Variants in MED12L observed in about 807,000 individuals in gnomAD.
MED12L encodes the protein mediator of RNA polymerase II transcription subunit 12-like protein.
A neutral mutation model predicts 281.3 loss-of-function variants in MED12L; 60 were observed. The ratio of observed to expected loss-of-function variants is 0.21; its 90% CI spans 0.17 to 0.26. The LOEUF (loss-of-function observed/expected upper bound fraction) is 0.26. Among genes scored for constraint, MED12L ranks in the 10% least tolerant of loss-of-function variants. The pLI, the probability that MED12L is intolerant of heterozygous loss-of-function variation, is 1.00. For synonymous variants in MED12L, 974 were observed against 987.2 expected (o/e 0.99, Z 0.25); for missense variants, 2,146 against 2,680.9 (o/e 0.80, Z 4.41).
At chr3:151,290,785 A>G (rs771924705) in intron 16 of MED12L, among the ~76,000 whole-genome samples, 7 of 152,232 alleles carry the variant, frequency 4.6e-5, no homozygotes, top group Admixed American at 2.6e-4. Flanking sequence ...AAACTTTAGC[A>G]AAGTGCTAGG....
chr3:151,206,042 G>A (rs1165032097), intron 16 of MED12L, among the ~76,000 whole-genome samples: 1 of 149,238 alleles, frequency 6.7e-6, no homozygotes, highest in African/African-American at 2.5e-5. Flanking sequence ...TAGCCGTTGT[G>A]CTTCAGGGTT....
At chr3:151,254,659 G>A (rs1737488357) in intron 16 of MED12L, among the ~76,000 whole-genome samples, 1 of 152,240 alleles carries the variant, frequency 6.6e-6, no homozygotes, top group Non-Finnish European at 1.5e-5. Flanking sequence ...TGAAGTCCAA[G>A]TGCATGTTTA....
At chr3:151,328,496 G>T in intron 16 of MED12L, 1 of 1,614,020 alleles carries the variant, frequency 6.2e-7, no homozygotes, top group Admixed American at 1.7e-5. Context: ...AGACGATGGT[G>T]TTGCTTCCTT....
intron 2 of MED12L, among the ~76,000 whole-genome samples, chr3:151,087,967 G>T (rs1719503934): frequency 6.6e-6 from 1 of 151,880 alleles, no homozygotes; most frequent in South Asian, 2.1e-4. Flanking sequence ...CTTCTGTTCA[G>T]CTAAACACGA....
intron 16 of MED12L, among the ~76,000 whole-genome samples, chr3:151,293,538 C>G (rs9810067): frequency 0.42 from 62,206 of 147,484 alleles, 13,684 homozygotes; most frequent in Middle Eastern, 0.63. Flanking sequence ...TGAAGGTGGG[C>G]TCTGACCTGG....
In MED12L at chr3:151,394,662, C is replaced by A. The variant is rs752867330; in HGVS notation, c.5615C>A (p.Ser1872Tyr). 16 of 1,614,082 alleles carry A rather than the reference C, an allele frequency of 9.9e-6. No homozygotes were observed. In the Admixed American group the frequency reaches 2.7e-4, roughly 27 times the overall value. ...CTTTTGGTTGCTTTTGTAGGTGGCT[C>A]CAGATTGGACCCTGCAGGCTCCTTT... is the stretch of plus-strand genomic sequence containing the variant. ...LQNQSLTPGG[S>Y]RLDPAGSFVP... Residue 1872 changes from serine to tyrosine, a missense_variant, in exon 39 of 45, where the codon TCC becomes TAC. Around this residue, in one of 9 missense-constraint regions of MED12L, gnomAD observed 496 missense variants for 512.0 expected, o/e 0.97. Coordinates refer to ENST00000687756, the MANE Select transcript of MED12L (RefSeq NM_001393769.1).
intron 16 of MED12L, among the ~76,000 whole-genome samples, chr3:151,339,526 C>G (rs1464143906): frequency 1.3e-5 from 2 of 151,496 alleles, no homozygotes; most frequent in East Asian, 1.9e-4. Context: ...CACGGAGATT[C>G]ATTATTCTGC....
intron 5 of MED12L, among the ~76,000 whole-genome samples, chr3:151,155,959 A>G (rs1719219621): frequency 2.0e-5 from 3 of 152,160 alleles, no homozygotes; most frequent in African/African-American, 7.2e-5. Context: ...AGGGCAGGCC[A>G]CCTCACACTA....
At chr3:151,202,624 C>T (rs920384947) in intron 16 of MED12L, among the ~76,000 whole-genome samples, 3 of 152,116 alleles carry the variant, frequency 2.0e-5, no homozygotes, top group East Asian at 1.9e-4. Flanking sequence ...GAGCTGAGAT[C>T]GCACCACTGC....
intron 16 of MED12L, among the ~76,000 whole-genome samples, chr3:151,257,173 G>A (rs1168521112): frequency 1.3e-5 from 2 of 152,034 alleles, no homozygotes; most frequent in East Asian, 1.9e-4. Context: ...AAGTGACCTC[G>A]CCTGGAAAGC....
In MED12L at chr3:151,357,897, C is replaced by T. The variant is rs77805759; in HGVS notation, c.2825+521C>T. Among the ~76,000 whole-genome samples, 895 of 152,252 alleles carry T rather than the reference C, an allele frequency of 5.9e-3. 14 individuals are homozygous for T. The highest frequency in any genetic ancestry group is 0.02 in the African/African-American group (843 of 41,552). ...GGCTTACTCTACTAATGAAGTTGAG[C>T]TACAGAATTAGCTAATACCACCCCC... On this transcript the variant is annotated intron_variant, in intron 20 of 44. Coordinates refer to ENST00000687756, the MANE Select transcript of MED12L (RefSeq NM_001393769.1).
intron 16 of MED12L, among the ~76,000 whole-genome samples, chr3:151,240,538 A>G (rs1733865915): frequency 6.6e-6 from 1 of 152,234 alleles, no homozygotes; most frequent in Non-Finnish European, 1.5e-5. Flanking sequence ...AGAGGGTCAC[A>G]GAGGTGAAAG....
intron 16 of MED12L, chr3:151,198,305 C>T (rs1724955607): frequency 5.6e-6 from 4 of 708,290 alleles, no homozygotes; most frequent in African/African-American, 3.6e-5. Flanking sequence ...TCCATATTTG[C>T]TAGCTAACTG....
At chr3:151,344,066 C>A (rs573921532) in intron 16 of MED12L, among the ~76,000 whole-genome samples, 3 of 152,038 alleles carry the variant, frequency 2.0e-5, no homozygotes, top group Non-Finnish European at 1.5e-5. Flanking sequence ...CCAAAAGTAA[C>A]GAGTCTTGGG....
At chr3:151,142,702 G>A (rs1028147998) in intron 5 of MED12L, among the ~76,000 whole-genome samples, 4 of 152,144 alleles carry the variant, frequency 2.6e-5, no homozygotes, top group African/African-American at 9.7e-5. Flanking sequence ...TGTGCATACA[G>A]TGGCCTTGTT....
At chr3:151,331,973 G>A (rs759304177) in intron 16 of MED12L, among the ~76,000 whole-genome samples, 2 of 152,196 alleles carry the variant, frequency 1.3e-5, no homozygotes, top group Non-Finnish European at 2.9e-5. Flanking sequence ...TAGATAGGGT[G>A]ACAGTGGAAT....
At chr3:151,337,854 T>C in intron 16 of MED12L, 1 of 1,614,148 alleles carries the variant, frequency 6.2e-7, no homozygotes, top group East Asian at 2.2e-5. Context: ...ACCACCATCC[T>C]GTTCTTTTTT....
intron 11 of MED12L, among the ~76,000 whole-genome samples, chr3:151,174,933 G>A (rs1023602037): frequency 2.6e-5 from 4 of 152,140 alleles, no homozygotes; most frequent in African/African-American, 9.7e-5. Context: ...GGGCTCAAGT[G>A]ATCCTCCTGA....
chr3:151,290,398 C>T (rs543414345), intron 16 of MED12L, among the ~76,000 whole-genome samples: 2 of 151,994 alleles, frequency 1.3e-5, no homozygotes, highest in Non-Finnish European at 2.9e-5. Context: ...AAGAAAACTT[C>T]AAGAGTATTC....
Sources: allele counts gnomAD v4.1 joint callset (sites outside exome capture counted in the v4.1 genomes callset), GRCh38; gene constraint gnomAD v4.1.1; regional missense constraint gnomAD v4.1.1; transcripts MANE v1.5; gene names NCBI Gene and HGNC (gene_info 2026-07-23, HGNC 2026-07-21).